Variants in PLA2G7 observed in about 807,000 individuals in gnomAD.
PLA2G7 encodes the protein platelet-activating factor acetylhydrolase.
Under a neutral mutation model 49.6 loss-of-function variants are expected in PLA2G7, and 63 were observed. The ratio of observed to expected loss-of-function variants is 1.27; its 90% CI spans 1.04 to 1.57. The LOEUF (loss-of-function observed/expected upper bound fraction) is 1.57. Ranked by LOEUF, PLA2G7 falls within the 40% of genes most tolerant of loss-of-function variation. The pLI, the probability that PLA2G7 is intolerant of heterozygous loss-of-function variation, is 0.00. For missense variants in PLA2G7, 596 were observed against 521.2 expected (o/e 1.14, Z -1.40); for synonymous variants, 193 against 169.9 (o/e 1.14, Z -1.06).
At chr6:46,716,918 C>A (rs1765221687) in intron 3 of PLA2G7, 57 bp downstream of exon 3, 37 of 1,559,484 alleles carry the variant, frequency 2.4e-5, no homozygotes, top group Non-Finnish European at 8.8e-7. Flanking sequence ...TTCTAGTGGT[C>A]CATAGCGACA....
intron 5 of PLA2G7, among the ~76,000 whole-genome samples, chr6:46,713,029 G>A (rs1765081192): frequency 6.6e-6 from 1 of 152,174 alleles, no homozygotes; most frequent in Non-Finnish European, 1.5e-5. Context: ...CCTCATCAGT[G>A]AGGATCAATT....
intron 1 of PLA2G7, among the ~76,000 whole-genome samples, chr6:46,728,008 C>T (rs149107046): frequency 6.6e-6 from 1 of 152,228 alleles, no homozygotes; most frequent in East Asian, 1.9e-4. Context: ...ATTTTTACAG[C>T]AGCAATAGAA....
rs759347127 is a variant in PLA2G7 at position 46,708,003 on chromosome 6, ATCTT to A, written c.1024_1027del (p.Lys342Ter). 2.2e-5 allele frequency: 34 copies of A among 1,565,440 alleles called. No homozygotes were observed. Among genetic ancestry groups the A allele is most frequent in the Admixed American group, 1.2e-4 (7 of 59,688 alleles). ...CACTAATACTTACCTGATTGTAATC[ATCTT>A]TCTTTCTTTATCAGGTGAGTAGCAT... On this transcript the variant is annotated frameshift_variant, in exon 10 of 12. Transcript: ENST00000274793. LOFTEE classifies it high-confidence loss of function.
chr6:46,729,185 C>T (rs908826240), intron 1 of PLA2G7, among the ~76,000 whole-genome samples: 3 of 152,130 alleles, frequency 2.0e-5, no homozygotes, highest in South Asian at 2.1e-4. Context: ...GATGCTCTCC[C>T]GCTAAAGGAA....
In PLA2G7 at chr6:46,710,599, A is replaced by G. The variant is rs762498206; in HGVS notation, c.723T>C (p.His241=). The G allele has an allele frequency of 4.1e-5, 66 of 1,613,646 alleles. No homozygotes were observed. The Middle Eastern group carries it at 6.6e-4, about 16-fold the overall frequency. ...QALSLILDID[H]GKPVKNALDL... ...CTAATGCATTCTTCACTGGCTTTCC[A>G]TGATCAATGTCAAGAATCAGACTGA... The change falls in exon 8 of 12, where the codon CAT becomes CAC. Residue 241 remains histidine, a synonymous_variant. Coordinates refer to ENST00000274793, the MANE Select transcript of PLA2G7 (RefSeq NM_005084.4).
Position 46,712,449 on chromosome 6 carries a change from G to A in PLA2G7, c.471-112C>T, listed in dbSNP as rs914704460. On this transcript the variant is annotated intron_variant, in intron 5 of 11. Coordinates refer to ENST00000274793, the MANE Select transcript of PLA2G7 (RefSeq NM_005084.4). Reference sequence around the variant, plus strand: ...ATTACACCCCTGTAGTAGTGCCCTGGGGTGGAGTGGAGAGCTACGGTTCTT... The same window carrying A: ...ATTACACCCCTGTAGTAGTGCCCTGAGGTGGAGTGGAGAGCTACGGTTCTT... 1.3e-5 allele frequency: 10 copies of A among 766,096 alleles called. No individual in the cohort carries two copies. The South Asian group carries it at 1.4e-4, about 11-fold the overall frequency. 47.5% of individuals were successfully genotyped at this position (766,096 alleles called of 1,614,324 possible). A position where few individuals can be genotyped will look rare whatever the true frequency, so the allele number is the denominator to read the frequency against.
chr6:46,718,338 T>C (rs1765284020), intron 2 of PLA2G7, among the ~76,000 whole-genome samples: 1 of 152,278 alleles, frequency 6.6e-6, no homozygotes, highest in Non-Finnish European at 1.5e-5. Flanking sequence ...AATTTAAATC[T>C]ACACATGCTT....
intron 1 of PLA2G7, among the ~76,000 whole-genome samples, chr6:46,726,456 T>C (rs1194325615): frequency 1.3e-5 from 2 of 152,168 alleles, no homozygotes; most frequent in African/African-American, 4.8e-5. Context: ...AACCATGGGA[T>C]ATGAGTTAGC....
At chr6:46,716,931 C>T in intron 3 of PLA2G7, 44 bp downstream of exon 3, 2 of 1,594,074 alleles carry the variant, frequency 1.3e-6, no homozygotes, top group Non-Finnish European at 1.7e-6. Context: ...TAGCGACAGA[C>T]AATATTAGAG....
chr6:46,727,800 A>G (rs1765617323), intron 1 of PLA2G7, among the ~76,000 whole-genome samples: 1 of 152,178 alleles, frequency 6.6e-6, no homozygotes, highest in Non-Finnish European at 1.5e-5. Flanking sequence ...GAGCTATAAC[A>G]TGTGGATGGC....
At chr6:46,716,941 G>GT (rs1313251886) in intron 3 of PLA2G7, 34 bp downstream of exon 3, 1 of 1,600,788 alleles carries the variant, frequency 6.2e-7, no homozygotes, top group Non-Finnish European at 8.6e-7. Context: ...CAATATTAGA[G>GT]TATCAGGATA....
Position 46,724,386 on chromosome 6 carries a change from T to A in PLA2G7, c.-34-1461A>T, listed in dbSNP as rs555416622. Among the ~76,000 whole-genome samples the A allele has an allele frequency of 4.6e-5, 7 of 152,320 alleles. No homozygotes were observed. In the South Asian group the frequency reaches 1.4e-3, roughly 32 times the overall value. ...ACTCAGTAAATGCCTGCTGAGTGAATAAATCTAGCACATCTGGTTACTAAT... is the reference window on the plus strand; with the variant it reads ...ACTCAGTAAATGCCTGCTGAGTGAAAAAATCTAGCACATCTGGTTACTAAT... On this transcript the variant is annotated intron_variant, in intron 1 of 11. Coordinates refer to ENST00000274793, the MANE Select transcript of PLA2G7 (RefSeq NM_005084.4).
chr6:46,725,617 C>G (rs1360702378), intron 1 of PLA2G7, among the ~76,000 whole-genome samples: 2 of 152,116 alleles, frequency 1.3e-5, no homozygotes, highest in Non-Finnish European at 2.9e-5. Context: ...ATATGTGCAA[C>G]TCTTTAAGAT....
intron 7 of PLA2G7, 30 bp from the exon 8 acceptor site, chr6:46,710,688 C>G (rs1764986510): frequency 1.3e-6 from 2 of 1,518,636 alleles, no homozygotes; most frequent in Non-Finnish European, 1.8e-6. Flanking sequence ...AAGGAAATGA[C>G]AAAGTAAAAA....
intron 4 of PLA2G7, among the ~76,000 whole-genome samples, 182 bp from the exon 5 acceptor site, chr6:46,714,735 AG>A (rs1031886327): frequency 2.8e-5 from 4 of 142,300 alleles, no homozygotes; most frequent in African/African-American, 5.3e-5. Flanking sequence ...CTGAACTGTA[AG>A]TTTTTTTTTT....
chr6:46,704,794 G>A (rs182842725), intron 11 of PLA2G7, 98 bp from the exon 12 acceptor site: 3 of 766,828 alleles, frequency 3.9e-6, no homozygotes, highest in East Asian at 5.2e-5. Flanking sequence ...AATTACACAA[G>A]TTCCGTTAGG....
intron 5 of PLA2G7, 99 bp downstream of exon 5, chr6:46,714,361 G>A (rs1765127737): frequency 3.7e-6 from 3 of 808,110 alleles, no homozygotes; most frequent in East Asian, 2.4e-5. Flanking sequence ...CTCCAGACAA[G>A]GGCCTGCATG....
intron 2 of PLA2G7, among the ~76,000 whole-genome samples, chr6:46,719,480 G>A (rs562404248): frequency 1.3e-5 from 2 of 152,120 alleles, no homozygotes; most frequent in Non-Finnish European, 2.9e-5. Context: ...AGAGACACTG[G>A]GCTGAAGTTC....
At position 46,704,478 on chromosome 6, in the gene PLA2G7, T is replaced by TCTCTCTCACACA. The variant is rs1441279240; in HGVS notation, c.*81_*82insTGTGTGAGAGAG. 1.0e-4 allele frequency: 9 copies of TCTCTCTCACACA among 87,186 alleles called. No individual in the cohort carries two copies. Among genetic ancestry groups the TCTCTCTCACACA allele is most frequent in the South Asian group, 1.9e-4 (1 of 5,276 alleles). 5.4% of individuals were successfully genotyped at this position (87,186 alleles called of 1,614,324 possible). A position where few individuals can be genotyped will look rare whatever the true frequency, so the allele number is the denominator to read the frequency against. ...CTCTCTCTCTCTCTCTCTCTCTCTC[T>TCTCTCTCACACA]CACACACACACACACACACACACAC... On this transcript the variant is annotated 3_prime_UTR_variant, in exon 12 of 12. Transcript: ENST00000274793.
Sources: gnomAD v4.1 joint callset for allele counts (sites outside exome capture counted in the v4.1 genomes callset) on GRCh38, gnomAD v4.1.1 for gene constraint, MANE v1.5 for transcripts, NCBI Gene and HGNC (gene_info 2026-07-23, HGNC 2026-07-21) for gene names.